The following DDAH1 variants were observed in gnomAD, a reference collection of about 807,000 sequenced individuals.
DDAH1 encodes dimethylarginine dimethylaminohydrolase 1, also known as N(G),N(G)-dimethylarginine dimethylaminohydrolase 1.
DDAH1 carries 19 observed loss-of-function variants against 28.8 expected under a neutral mutation model. The ratio of observed to expected loss-of-function variants is 0.66; its 90% CI spans 0.46 to 0.97. The LOEUF (loss-of-function observed/expected upper bound fraction) is 0.97, where lower values mean the gene tolerates loss of function less well. DDAH1 is among the 50% of genes least tolerant of loss of function. DDAH1 has a pLI of 0.00. For missense variants in DDAH1, 326 were observed against 375.9 expected (o/e 0.87, Z 1.10); for synonymous variants, 153 against 154.4 (o/e 0.99, Z 0.07).
intron 1 of DDAH1, among the ~76,000 whole-genome samples, chr1:85,549,958 T>C (rs1658736829): frequency 6.6e-6 from 1 of 152,170 alleles, no homozygotes; most frequent in South Asian, 2.1e-4. Context: ...ATTTCTATAA[T>C]AGAATATTCT....
chr1:85,404,028 T>A (rs1652282354), intron 1 of DDAH1, among the ~76,000 whole-genome samples: 1 of 152,224 alleles, frequency 6.6e-6, no homozygotes. Context: ...AAATCACAAC[T>A]ATATTCCTCC....
chr1:85,479,422 C>T (rs2100714257), intron 2 of DDAH1, among the ~76,000 whole-genome samples: 1 of 152,138 alleles, frequency 6.6e-6, no homozygotes, highest in East Asian at 1.9e-4. Flanking sequence ...ATCCACCCGC[C>T]TCGGCCTCCC....
intron 1 of DDAH1, among the ~76,000 whole-genome samples, chr1:85,403,441 T>A (rs1197702606): frequency 6.6e-6 from 1 of 152,152 alleles, no homozygotes; most frequent in African/African-American, 2.4e-5. Flanking sequence ...ATCCCTAGGC[T>A]CTACTCTTCA....
At chr1:85,367,924 T>C (rs115498574) in intron 1 of DDAH1, among the ~76,000 whole-genome samples, 2,719 of 152,272 alleles carry the variant, frequency 0.018, 89 homozygotes, top group African/African-American at 0.062. Flanking sequence ...ATTAACCAAT[T>C]TGAGTTTTCT....
intron 1 of DDAH1, among the ~76,000 whole-genome samples, chr1:85,447,552 C>T (rs888748142): frequency 1.3e-5 from 2 of 152,162 alleles, no homozygotes; most frequent in African/African-American, 4.8e-5. Flanking sequence ...TACAATCTTC[C>T]TCCTCCTTCT....
intron 5 of DDAH1, among the ~76,000 whole-genome samples, chr1:85,322,648 T>G (rs747067274): frequency 2.0e-5 from 3 of 152,208 alleles, no homozygotes; most frequent in Non-Finnish European, 4.4e-5. Context: ...AGCCTCGGTT[T>G]ACTTCTCTGT....
intron 1 of DDAH1, among the ~76,000 whole-genome samples, chr1:85,387,884 C>T (rs944624612): frequency 6.6e-6 from 1 of 152,186 alleles, no homozygotes; most frequent in Non-Finnish European, 1.5e-5. Context: ...GGGCCTCAGG[C>T]TGCTTCCACT....
intron 1 of DDAH1, among the ~76,000 whole-genome samples, chr1:85,362,728 T>C (rs1021176713): frequency 2.6e-5 from 4 of 152,204 alleles, no homozygotes; most frequent in African/African-American, 7.2e-5. Context: ...AGATAATACA[T>C]GTAAAACACC....
intron 1 of DDAH1, among the ~76,000 whole-genome samples, chr1:85,520,690 G>T (rs1304814531): frequency 2.0e-5 from 3 of 152,218 alleles, no homozygotes; most frequent in Non-Finnish European, 4.4e-5. Flanking sequence ...TAGGAAAATG[G>T]ACTGTGCCGA....
At chr1:85,510,625 C>T (rs574945195) in intron 1 of DDAH1, among the ~76,000 whole-genome samples, 1 of 152,180 alleles carries the variant, frequency 6.6e-6, no homozygotes, top group Non-Finnish European at 1.5e-5. Flanking sequence ...CAAAGATGCA[C>T]ATAGACTCGA....
chr1:85,415,730 CAT>C (rs1652861350), intron 1 of DDAH1, among the ~76,000 whole-genome samples: 2 of 152,134 alleles, frequency 1.3e-5, no homozygotes, highest in South Asian at 4.1e-4. Flanking sequence ...AATAGGTTGA[CAT>C]AAAACTCAGA....
At chr1:85,343,534 T>G (rs572746659) in intron 4 of DDAH1, among the ~76,000 whole-genome samples, 5 of 152,376 alleles carry the variant, frequency 3.3e-5, no homozygotes, top group East Asian at 1.9e-4. Context: ...AACAGCCAGA[T>G]AGTAAGACAA....
At chr1:85,336,663 A>T (rs893594908) in intron 4 of DDAH1, among the ~76,000 whole-genome samples, 15 of 152,128 alleles carry the variant, frequency 9.9e-5, no homozygotes, top group African/African-American at 3.6e-4. Context: ...AACTAGTAGA[A>T]GGAAAGAAAT....
At chr1:85,405,910 C>A (rs1164113470) in intron 1 of DDAH1, among the ~76,000 whole-genome samples, 3 of 152,308 alleles carry the variant, frequency 2.0e-5, no homozygotes, top group African/African-American at 7.2e-5. Flanking sequence ...TAAAACCTAA[C>A]ACTTATGTTG....
intron 1 of DDAH1, among the ~76,000 whole-genome samples, chr1:85,429,461 C>T (rs922348288): frequency 3.3e-5 from 5 of 152,072 alleles, no homozygotes; most frequent in South Asian, 2.1e-4. Flanking sequence ...TTGTGAATAG[C>T]GCTGCAATAA....
chr1:85,531,945 A>C (rs1299409778), intron 1 of DDAH1, among the ~76,000 whole-genome samples: 4 of 152,170 alleles, frequency 2.6e-5, no homozygotes, highest in Non-Finnish European at 5.9e-5. Context: ...ACAATAAATT[A>C]AGGCAGTTAA....
chr1:85,568,898 A>T (rs748343008), intron 1 of DDAH1, among the ~76,000 whole-genome samples: 1 of 152,140 alleles, frequency 6.6e-6, no homozygotes, highest in Non-Finnish European at 1.5e-5. Flanking sequence ...GCTCATGTAT[A>T]CTGCACCTTT....
At chr1:85,468,290 C>T (rs1655454603), upstream of DDAH1, among the ~76,000 whole-genome samples, 1 of 152,142 alleles carries the variant, frequency 6.6e-6, no homozygotes, top group African/African-American at 2.4e-5. Flanking sequence ...TTTTGTGGCT[C>T]CAACTCTTCT....
chr1:85,479,409 A>G (rs557137226), intron 2 of DDAH1, among the ~76,000 whole-genome samples: 10 of 151,184 alleles, frequency 6.6e-5, no homozygotes, highest in East Asian at 2.0e-4. Flanking sequence ...TCCTGACCTC[A>G]TGATCCACCC....
Sources: allele counts gnomAD v4.1 joint callset (sites outside exome capture counted in the v4.1 genomes callset), GRCh38; gene constraint gnomAD v4.1.1; transcripts MANE v1.5; gene names NCBI Gene and HGNC (gene_info 2026-07-23, HGNC 2026-07-21).